PALM2AKAP2: variants seen among roughly 807,000 people sequenced by gnomAD.
PALM2AKAP2 encodes PALM2 and AKAP2 fusion.
PALM2AKAP2 carries 37 observed loss-of-function variants against 71.5 expected under a neutral mutation model. The ratio of observed to expected loss-of-function variants is 0.52; its 90% CI spans 0.40 to 0.68. PALM2AKAP2 has a LOEUF of 0.68. Ranked by LOEUF, PALM2AKAP2 falls within the 30% of genes least tolerant of loss-of-function variation. The pLI is 0.00. For missense variants in PALM2AKAP2, 1,224 were observed against 1,191.8 expected (o/e 1.03, Z -0.40); for synonymous variants, 468 against 478.8 (o/e 0.98, Z 0.29).
At chr9:110,071,163 C>CGAAAAAAAAAAA (rs1834199408) in intron 1 of PALM2AKAP2, among the ~76,000 whole-genome samples, 1 of 101,862 alleles carries the variant, frequency 9.8e-6, no homozygotes, top group Admixed American at 1.2e-4. Context: ...GACTCTGTTT[C>CGAAAAAAAAAAA]AAAAAAAAAA....
intron 1 of PALM2AKAP2, among the ~76,000 whole-genome samples, chr9:109,666,598 T>G (rs578104714): frequency 2.0e-5 from 3 of 152,368 alleles, no homozygotes; most frequent in Admixed American, 2.0e-4. Flanking sequence ...TCTGGTGGGC[T>G]GACTCCATGC....
rs1042843511 is a variant in PALM2AKAP2, at chr9:110,029,984, G to A, written c.582+13945G>A. 5.3e-5 allele frequency among the ~76,000 whole-genome samples: 8 copies of A among 152,192 alleles called. No homozygotes were observed. In the East Asian group the frequency reaches 1.5e-3, roughly 29 times the overall value. The stretch of plus-strand genomic sequence containing the variant: ...TCATAAATCAAGATTGTAGTTATCA[G>A]GAAAAGTTGTTGGATTCATAGAGTA... On this transcript the variant is annotated intron_variant, in intron 7 of 9. Transcript: ENST00000302798.
At chr9:109,669,196 AG>A (rs1321764546) in intron 1 of PALM2AKAP2, among the ~76,000 whole-genome samples, 1 of 152,138 alleles carries the variant, frequency 6.6e-6, no homozygotes, top group Non-Finnish European at 1.5e-5. Context: ...GGTTTTTCAT[AG>A]GTACTCTGTA....
chr9:109,671,568 A>T (rs764396226), intron 1 of PALM2AKAP2, among the ~76,000 whole-genome samples: 30 of 151,858 alleles, frequency 2.0e-4, no homozygotes, highest in Admixed American at 1.6e-3. Flanking sequence ...TTTGCTTATG[A>T]TTGCCTTGGC....
At chr9:109,817,541 CT>C (rs1437431113) in intron 1 of PALM2AKAP2, among the ~76,000 whole-genome samples, 3 of 152,122 alleles carry the variant, frequency 2.0e-5, no homozygotes, top group African/African-American at 7.2e-5. Context: ...ACAGTCTAGG[CT>C]TGTGTAAATT....
At chr9:109,882,366 G>A (rs943363782) in intron 3 of PALM2AKAP2, among the ~76,000 whole-genome samples, 5 of 152,304 alleles carry the variant, frequency 3.3e-5, no homozygotes, top group South Asian at 2.1e-4. Flanking sequence ...GTCTTAAAGA[G>A]CTTTCAGAGC....
intron 6 of PALM2AKAP2, among the ~76,000 whole-genome samples, chr9:110,007,322 A>G (rs1214241487): frequency 1.3e-5 from 2 of 152,136 alleles, no homozygotes; most frequent in Non-Finnish European, 2.9e-5. Context: ...TCTTTCTACC[A>G]CCTGCAGGTA....
intron 7 of PALM2AKAP2, among the ~76,000 whole-genome samples, chr9:110,019,921 T>C (rs1237955538): frequency 2.6e-5 from 4 of 152,186 alleles, no homozygotes; most frequent in Admixed American, 6.5e-5. Context: ...AGCCTGTTCA[T>C]GAACCCCCTG....
chr9:109,671,864 G>T, intron 1 of PALM2AKAP2, among the ~76,000 whole-genome samples: 1 of 152,124 alleles, frequency 6.6e-6, no homozygotes, highest in East Asian at 1.9e-4. Flanking sequence ...TGGCAATTGT[G>T]AATGGGAGTG....
chr9:109,804,584 A>G (rs1371339722), intron 1 of PALM2AKAP2, among the ~76,000 whole-genome samples: 3 of 152,148 alleles, frequency 2.0e-5, no homozygotes, highest in Admixed American at 2.0e-4. Context: ...TAATTTGTCA[A>G]TTTCCTGCTA....
chr9:109,991,256 A>T lies in PALM2AKAP2; in HGVS notation c.497-24698A>T, dbSNP rs574113054. Among the ~76,000 whole-genome samples the T allele has an allele frequency of 1.9e-3, 289 of 149,788 alleles. 2 individuals are homozygous for T. Among genetic ancestry groups the T allele is most frequent in the Non-Finnish European group, 3.6e-3 (243 of 67,534 alleles). On this transcript the variant is annotated intron_variant, in intron 6 of 9. Transcript: ENST00000302798. ...CATTTTTTTTTTTCTTTTTTTTTTAAGACAGAGTCTCCCTCTGTCACTCAG... is the reference window on the plus strand; with the variant it reads ...CATTTTTTTTTTTCTTTTTTTTTTATGACAGAGTCTCCCTCTGTCACTCAG...
chr9:109,967,620 C>T (rs79734722), intron 6 of PALM2AKAP2, among the ~76,000 whole-genome samples: 90 of 152,110 alleles, frequency 5.9e-4, no homozygotes, highest in Non-Finnish European at 9.1e-4. Context: ...ATATTGGCCA[C>T]GCTGGTCTCA....
chr9:109,679,899 T>A (rs1048511843), intron 1 of PALM2AKAP2, among the ~76,000 whole-genome samples: 1 of 152,208 alleles, frequency 6.6e-6, no homozygotes, highest in Non-Finnish European at 1.5e-5. Context: ...TATCCTTTAG[T>A]TTGACAAGAT....
chr9:109,826,457 A>C (rs1828154124), intron 1 of PALM2AKAP2, among the ~76,000 whole-genome samples: 1 of 152,188 alleles, frequency 6.6e-6, no homozygotes, highest in Admixed American at 6.5e-5. Context: ...CAGGCACTAA[A>C]GGGGCAGCTG....
At chr9:110,156,416 G>T in exon 3 of PALM2AKAP2, 2 of 1,613,154 alleles carry the variant, frequency 1.2e-6, no homozygotes, top group Admixed American at 1.7e-5. Context: ...GAACCCAGCG[G>T]CCCAAGAATC....
chr9:109,795,786 A>G (rs1827236623), intron 1 of PALM2AKAP2, among the ~76,000 whole-genome samples: 1 of 152,330 alleles, frequency 6.6e-6, no homozygotes, highest in East Asian at 1.9e-4. Flanking sequence ...GCCCTGTGCC[A>G]GGGCACTGTT....
At chr9:110,138,075 C>CTGT (rs759366058) in exon 2 of PALM2AKAP2, 15 of 1,557,030 alleles carry the variant, frequency 9.6e-6, no homozygotes, top group Non-Finnish European at 1.3e-5. Flanking sequence ...GCTGAAGCTG[C>CTGT]GGCTTTCGGC....
chr9:110,061,643 A>ATT (rs1294121085), intron 1 of PALM2AKAP2, among the ~76,000 whole-genome samples: 2 of 148,624 alleles, frequency 1.3e-5, no homozygotes, highest in Admixed American at 1.4e-4. Context: ...TTATTTATAT[A>ATT]TATATGTGTG....
chr9:109,888,847 G>C (rs757170534), intron 3 of PALM2AKAP2, among the ~76,000 whole-genome samples: 10 of 152,104 alleles, frequency 6.6e-5, no homozygotes, highest in Non-Finnish European at 1.2e-4. Flanking sequence ...GCTGTCTTGA[G>C]TATTGCAAGA....
Sources: allele counts gnomAD v4.1 joint callset (sites outside exome capture counted in the v4.1 genomes callset), GRCh38; gene constraint gnomAD v4.1.1; transcripts MANE v1.5; gene names NCBI Gene and HGNC (gene_info 2026-07-23, HGNC 2026-07-21).